FSAF1: variants seen among roughly 807,000 people sequenced by gnomAD.
FSAF1 encodes the protein uncharacterized protein C1orf131.
chr1:231,230,238 T>C, the FSAF1 span, among the ~76,000 whole-genome samples: 1 of 152,038 alleles, frequency 6.6e-6, no homozygotes, highest in African/African-American at 2.4e-5. Context: ...ATCTCACACA[T>C]CACACACAGA....
the FSAF1 span, chr1:231,225,375 G>T: frequency 8.3e-7 from 1 of 1,198,506 alleles, no homozygotes; most frequent in Non-Finnish European, 1.2e-6. Context: ...GCTCTAATGG[G>T]CTAGCAACAC....
chr1:231,226,710 T>C, the FSAF1 span: 1 of 1,553,304 alleles, frequency 6.4e-7, no homozygotes, highest in Non-Finnish European at 8.9e-7. Flanking sequence ...CCCATTCTAG[T>C]TGAATAAAGG....
the FSAF1 span, chr1:231,225,435 G>C: frequency 7.3e-5 from 116 of 1,596,212 alleles, no homozygotes; most frequent in Non-Finnish European, 9.7e-5. Context: ...GGTTCATCCA[G>C]ATTGTTCAAC....
the FSAF1 span, chr1:231,240,956 G>A: frequency 7.2e-7 from 1 of 1,398,064 alleles, no homozygotes; most frequent in Non-Finnish European, 1.0e-6. The surrounding 1 kb of genome is among the most constrained non-coding windows in gnomAD (Gnocchi z 4.1). Flanking sequence ...AACCCAGGAC[G>A]GGCAACACAG....
the FSAF1 span, chr1:231,241,168 G>A: frequency 6.3e-7 from 1 of 1,595,740 alleles, no homozygotes; most frequent in South Asian, 1.1e-5. Flanking sequence ...CCCGCTTCCG[G>A]GTTCCGCGAC....
chr1:231,233,638 C>T, the FSAF1 span, among the ~76,000 whole-genome samples: 10 of 152,122 alleles, frequency 6.6e-5, no homozygotes, highest in Admixed American at 3.3e-4. Context: ...CTGCAAACTC[C>T]GCCTACCGGG....
the FSAF1 span, chr1:231,237,412 T>C: frequency 2.0e-5 from 3 of 152,348 alleles, no homozygotes; most frequent in East Asian, 1.9e-4. Flanking sequence ...AATGTGATCT[T>C]ACTTGGAGAG....
the FSAF1 span, among the ~76,000 whole-genome samples, chr1:231,232,215 C>T: frequency 1.3e-5 from 2 of 152,170 alleles, no homozygotes; most frequent in Non-Finnish European, 2.9e-5. Context: ...TTTCTTTCCC[C>T]CCATATTCTC....
the FSAF1 span, chr1:231,225,114 T>C: frequency 3.9e-6 from 1 of 256,946 alleles, no homozygotes; most frequent in African/African-American, 2.2e-5. Context: ...CCCTTATTCA[T>C]AATTACGGTG....
chr1:231,236,482 A>G, the FSAF1 span, among the ~76,000 whole-genome samples: 1 of 152,210 alleles, frequency 6.6e-6, no homozygotes, highest in Non-Finnish European at 1.5e-5. Flanking sequence ...AGAAGAGCCA[A>G]CTAGAATGCA....
the FSAF1 span, chr1:231,224,106 T>C: frequency 1.4e-6 from 1 of 715,618 alleles, no homozygotes; most frequent in Non-Finnish European, 2.2e-6. Context: ...TTCAGCACCA[T>C]GAAGCAGACA....
At chr1:231,239,751 C>T in the FSAF1 span, among the ~76,000 whole-genome samples, 1 of 152,314 alleles carries the variant, frequency 6.6e-6, no homozygotes, top group East Asian at 1.9e-4. Context: ...ATTACAAATA[C>T]CACAGAGCTC....
chr1:231,230,463 G>C, the FSAF1 span, among the ~76,000 whole-genome samples: 3 of 152,096 alleles, frequency 2.0e-5, no homozygotes, highest in Non-Finnish European at 4.4e-5. Context: ...AAATGATGTT[G>C]CTGCAAATGC....
At chr1:231,239,989 A>G in the FSAF1 span, among the ~76,000 whole-genome samples, 2 of 152,198 alleles carry the variant, frequency 1.3e-5, no homozygotes, top group Admixed American at 1.3e-4. Flanking sequence ...GTCAGAGACT[A>G]AGTCTTCTCT....
chr1:231,229,974 T>TA, the FSAF1 span, among the ~76,000 whole-genome samples: 1 of 152,082 alleles, frequency 6.6e-6, no homozygotes, highest in Non-Finnish European at 1.5e-5. Flanking sequence ...ACTGCACACT[T>TA]AAAAATGGCT....
At chr1:231,226,767 T>G in the FSAF1 span, 1 of 1,608,246 alleles carries the variant, frequency 6.2e-7, no homozygotes, top group East Asian at 2.2e-5. Context: ...CTTTGCTGCC[T>G]TTTTTTCTTT....
chr1:231,225,408 G>A, the FSAF1 span: 1 of 1,501,434 alleles, frequency 6.7e-7, no homozygotes, highest in Admixed American at 1.7e-5. Flanking sequence ...AGGCGTCCTT[G>A]TCAGAACTCA....
At chr1:231,226,962 C>T in the FSAF1 span, 1 of 1,613,988 alleles carries the variant, frequency 6.2e-7, no homozygotes, top group Non-Finnish European at 8.5e-7. Context: ...AAGGTAGCAG[C>T]AGCCCCTCAC....
At chr1:231,231,363 C>A in the FSAF1 span, among the ~76,000 whole-genome samples, 1 of 152,146 alleles carries the variant, frequency 6.6e-6, no homozygotes, top group Non-Finnish European at 1.5e-5. Flanking sequence ...TAAAAACAAA[C>A]AAAACCCTGT....
Sources: allele counts gnomAD v4.1 joint callset (sites outside exome capture counted in the v4.1 genomes callset), GRCh38; gene constraint gnomAD v4.1.1; non-coding constraint Gnocchi (gnomAD v3.1); transcripts MANE v1.5; gene names NCBI Gene and HGNC (gene_info 2026-07-23, HGNC 2026-07-21).